The following SIPA1L1 variants were observed in gnomAD, a reference collection of about 807,000 sequenced individuals.
SIPA1L1 encodes signal induced proliferation associated 1 like 1.
A neutral mutation model predicts 162.7 loss-of-function variants in SIPA1L1; 26 were observed. That is an observed-to-expected ratio of 0.16 (90% CI 0.12 to 0.22). The LOEUF (loss-of-function observed/expected upper bound fraction) is 0.22, where lower values mean the gene tolerates loss of function less well. Ranked by LOEUF, SIPA1L1 falls within the 10% of genes least tolerant of loss-of-function variation. The pLI is 1.00. For synonymous variants in SIPA1L1, 829 were observed against 837.4 expected (o/e 0.99, Z 0.17); for missense variants, 1,874 against 2,241.0 (o/e 0.84, Z 3.31).
chr14:71,420,601 T>C (rs182220301), intron 2 of SIPA1L1, among the ~76,000 whole-genome samples: 1 of 152,326 alleles, frequency 6.6e-6, no homozygotes, highest in East Asian at 1.9e-4. Flanking sequence ...TTTTACTTAT[T>C]ATCTATGGAA....
At chr14:71,641,796 T>C (rs2041744718) in intron 7 of SIPA1L1, among the ~76,000 whole-genome samples, 1 of 152,220 alleles carries the variant, frequency 6.6e-6, no homozygotes. Context: ...CAATGGATTT[T>C]ACACCAAAAA....
chr14:71,500,186 A>G (rs2050095666), intron 2 of SIPA1L1, among the ~76,000 whole-genome samples: 1 of 152,178 alleles, frequency 6.6e-6, no homozygotes, highest in African/African-American at 2.4e-5. Flanking sequence ...AAAAATTAAG[A>G]GCAAAAAGGC....
chr14:71,678,792 A>G (rs138556902), intron 12 of SIPA1L1, among the ~76,000 whole-genome samples: 210 of 152,114 alleles, frequency 1.4e-3, no homozygotes, highest in Non-Finnish European at 2.5e-3. Context: ...GTGGTAGGCT[A>G]TTAATTATTG....
intron 2 of SIPA1L1, among the ~76,000 whole-genome samples, chr14:71,427,897 G>T (rs1433662030): frequency 6.6e-6 from 1 of 151,616 alleles, no homozygotes; most frequent in African/African-American, 2.4e-5. Flanking sequence ...ATTTTTCAGG[G>T]TCAGTTTTTA....
chr14:71,511,729 G>A (rs1398266252), intron 2 of SIPA1L1, among the ~76,000 whole-genome samples: 2 of 152,154 alleles, frequency 1.3e-5, no homozygotes, highest in South Asian at 2.1e-4. Context: ...CCCCTGAACC[G>A]CTTTGGAATG....
rs544715746 is a variant in SIPA1L1 at position 71,424,330 on chromosome 14, A to G, written c.-464-88413A>G. Reference sequence around the variant, plus strand: ...TAGGTTGAATAGAAGTGATGAAAGCATGCATTCTTGCCTTGTTCGTGATGT... The same window carrying G: ...TAGGTTGAATAGAAGTGATGAAAGCGTGCATTCTTGCCTTGTTCGTGATGT... On this transcript the variant is annotated intron_variant, in intron 2 of 23. Transcript: ENST00000381232. 2.6e-5 allele frequency among the ~76,000 whole-genome samples: 4 copies of G among 152,232 alleles called. No homozygotes were observed. The South Asian group carries it at 8.3e-4, about 32-fold the overall frequency.
chr14:71,321,636 G>C (rs927827664), intron 2 of SIPA1L1: 2 of 152,260 alleles, frequency 1.3e-5, no homozygotes, highest in East Asian at 3.8e-4. Context: ...TTTCCCCTTT[G>C]GGGGTCTTGG....
At chr14:71,645,494 C>T (rs1454652270) in intron 7 of SIPA1L1, among the ~76,000 whole-genome samples, 1 of 152,188 alleles carries the variant, frequency 6.6e-6, no homozygotes, top group Non-Finnish European at 1.5e-5. Context: ...TCATAAAGCA[C>T]TTTAGTAGGC....
At chr14:71,590,044 AATATATATATATATATAT>A (rs58833289) in intron 5 of SIPA1L1, among the ~76,000 whole-genome samples, 65 of 59,590 alleles carry the variant, frequency 1.1e-3, no homozygotes, top group Admixed American at 3.2e-3. Flanking sequence ...AAAAAAAAAA[AATATATATATATATATAT>A]ATATATATAT....
At chr14:71,585,489 G>C (rs2034474573) in intron 4 of SIPA1L1, among the ~76,000 whole-genome samples, 1 of 152,182 alleles carries the variant, frequency 6.6e-6, no homozygotes, top group Non-Finnish European at 1.5e-5. Flanking sequence ...ACTGATGGTG[G>C]AGACTGAGCA....
At chr14:71,598,103 G>A (rs573699007) in intron 5 of SIPA1L1, 203 of 515,574 alleles carry the variant, frequency 3.9e-4, no homozygotes, top group Admixed American at 6.4e-4. Flanking sequence ...TGAATAATAT[G>A]TTGCAGTTCC....
chr14:71,543,868 CGTAT>C (rs1567178708), intron 4 of SIPA1L1, among the ~76,000 whole-genome samples: 2 of 134,830 alleles, frequency 1.5e-5, no homozygotes, highest in Admixed American at 7.5e-5. Flanking sequence ...ATATATCATA[CGTAT>C]GTGTATATAT....
At chr14:71,415,509 G>A (rs1251349275) in intron 2 of SIPA1L1, among the ~76,000 whole-genome samples, 3 of 152,160 alleles carry the variant, frequency 2.0e-5, no homozygotes, top group Non-Finnish European at 2.9e-5. Flanking sequence ...GCAGCCTGCA[G>A]GAATGCTCTG....
chr14:71,614,209 C>T (rs557605209), intron 5 of SIPA1L1, among the ~76,000 whole-genome samples: 13 of 148,464 alleles, frequency 8.8e-5, no homozygotes, highest in South Asian at 2.1e-4. Context: ...CAGAGCAAGA[C>T]GCTGTCTCCA....
At chr14:71,546,072 G>C (rs564768829) in intron 4 of SIPA1L1, among the ~76,000 whole-genome samples, 3 of 151,988 alleles carry the variant, frequency 2.0e-5, no homozygotes, top group Non-Finnish European at 4.4e-5. Flanking sequence ...AACAGAGCGA[G>C]ACCCTGTCTC....
intron 2 of SIPA1L1, among the ~76,000 whole-genome samples, chr14:71,380,132 C>T (rs1401459801): frequency 6.6e-6 from 1 of 152,108 alleles, no homozygotes; most frequent in Non-Finnish European, 1.5e-5. Context: ...TTAAGGGTAT[C>T]TTACTTGTAA....
intron 2 of SIPA1L1, among the ~76,000 whole-genome samples, chr14:71,358,318 A>G (rs1283862468): frequency 3.3e-5 from 5 of 152,252 alleles, no homozygotes; most frequent in Admixed American, 6.5e-5. Context: ...TTCACTTGGT[A>G]AAATAAGCTG....
At chr14:71,573,190 A>G (rs1463537096) in intron 4 of SIPA1L1, among the ~76,000 whole-genome samples, 4 of 152,220 alleles carry the variant, frequency 2.6e-5, no homozygotes, top group African/African-American at 9.6e-5. Context: ...TTTGCCTTTA[A>G]CTACTATGTA....
intron 19 of SIPA1L1, among the ~76,000 whole-genome samples, chr14:71,728,598 G>A (rs2084451008): frequency 6.6e-6 from 1 of 152,240 alleles, no homozygotes; most frequent in Admixed American, 6.5e-5. Flanking sequence ...AAGCATGCTA[G>A]GCCCTGTGTA....
Sources: allele counts gnomAD v4.1 joint callset (sites outside exome capture counted in the v4.1 genomes callset), GRCh38; gene constraint gnomAD v4.1.1; transcripts MANE v1.5; gene names NCBI Gene and HGNC (gene_info 2026-07-23, HGNC 2026-07-21).